KCNK2: variants seen among roughly 807,000 people sequenced by gnomAD.
The protein encoded by KCNK2 is potassium two pore domain channel subfamily K member 2, also known as potassium channel subfamily K member 2.
Under a neutral mutation model 40.5 loss-of-function variants are expected in KCNK2, and 21 were observed. The observed-to-expected ratio is 0.52, with a 90% CI of 0.37 to 0.75. KCNK2 has a LOEUF of 0.75. Among genes scored for constraint, KCNK2 ranks in the 30% least tolerant of loss-of-function variants. The pLI, the probability that KCNK2 is intolerant of heterozygous loss-of-function variation, is 0.00. For synonymous variants in KCNK2, 191 were observed against 202.2 expected (o/e 0.94, Z 0.47); for missense variants, 399 against 531.6 (o/e 0.75, Z 2.45).
upstream of KCNK2, among the ~76,000 whole-genome samples, chr1:215,078,209 G>T (rs1324142082): frequency 1.3e-5 from 2 of 152,222 alleles, no homozygotes; most frequent in Non-Finnish European, 2.9e-5. Context: ...GCTGCATGTA[G>T]CCTGCAGGCC....
At chr1:215,170,001 A>G (rs913969801) in intron 4 of KCNK2, among the ~76,000 whole-genome samples, 1 of 152,106 alleles carries the variant, frequency 6.6e-6, no homozygotes, top group African/African-American at 2.4e-5. Context: ...ACTAGTTATT[A>G]TCCCATCAAA....
At chr1:215,065,310 A>G (rs1397211981) in intron 1 of KCNK2, among the ~76,000 whole-genome samples, 2 of 152,180 alleles carry the variant, frequency 1.3e-5, no homozygotes, top group African/African-American at 4.8e-5. Flanking sequence ...TTAAATATGT[A>G]CACCTGTGAA....
At chr1:215,015,713 G>A (rs1656563465) in intron 1 of KCNK2, among the ~76,000 whole-genome samples, 1 of 152,060 alleles carries the variant, frequency 6.6e-6, no homozygotes, top group African/African-American at 2.4e-5. Context: ...TGTTAGAGCT[G>A]AAAAAGTTAC....
chr1:215,018,750 C>G (rs1251808442), intron 1 of KCNK2, among the ~76,000 whole-genome samples: 1 of 152,112 alleles, frequency 6.6e-6, no homozygotes, highest in Non-Finnish European at 1.5e-5. Flanking sequence ...TTTAGTCATG[C>G]TAAGGATTTG....
At chr1:215,057,202 T>TC (rs968590880) in intron 1 of KCNK2, among the ~76,000 whole-genome samples, 1 of 148,494 alleles carries the variant, frequency 6.7e-6, no homozygotes, top group African/African-American at 2.4e-5. Context: ...TACAAGTATT[T>TC]TTTTTTTTTT....
chr1:215,120,865 T>C (rs1661160872), intron 2 of KCNK2, among the ~76,000 whole-genome samples: 1 of 152,244 alleles, frequency 6.6e-6, no homozygotes, highest in African/African-American at 2.4e-5. Flanking sequence ...ATTGCTATCT[T>C]AAAATATTTT....
chr1:215,124,734 T>G lies in KCNK2; in HGVS notation c.459T>G (p.Thr153=). The G allele has an allele frequency of 3.8e-6, 6 of 1,597,862 alleles. No homozygotes were observed. Among genetic ancestry groups the G allele is most frequent in the Non-Finnish European group, 5.1e-6 (6 of 1,165,276 alleles). The stretch of plus-strand genomic sequence containing the variant: ...GAAGTTCCTTCTTCTTTGCTGGCAC[T>G]GTTATTACAACCATAGGTAGGAGAC... ...DLGSSFFFAG[T]VITTIGFGNI... is the part of the protein sequence containing the mutation. Residue 153 remains threonine, a synonymous_variant, in exon 3 of 7, where the codon ACT becomes ACG. Coordinates refer to ENST00000444842, the MANE Select transcript of KCNK2 (RefSeq NM_001017425.3).
chr1:215,055,366 T>G (rs1264920505), intron 1 of KCNK2, among the ~76,000 whole-genome samples: 1 of 152,180 alleles, frequency 6.6e-6, no homozygotes, highest in Non-Finnish European at 1.5e-5. Flanking sequence ...CAAAGTAAGC[T>G]ATGAAAAAGA....
At chr1:215,046,044 A>G (rs1204514496) in intron 1 of KCNK2, among the ~76,000 whole-genome samples, 1 of 152,218 alleles carries the variant, frequency 6.6e-6, no homozygotes, top group Non-Finnish European at 1.5e-5. Flanking sequence ...TAACCGTGGA[A>G]AAATCTGGTA....
At chr1:215,144,872 C>T (rs942190731) in intron 3 of KCNK2, among the ~76,000 whole-genome samples, 11 of 152,170 alleles carry the variant, frequency 7.2e-5, no homozygotes, top group African/African-American at 2.7e-4. Context: ...TATTATACCA[C>T]TTACTAATGA....
intron 2 of KCNK2, among the ~76,000 whole-genome samples, chr1:215,123,310 G>T (rs750396418): frequency 4.8e-4 from 73 of 151,922 alleles, no homozygotes; most frequent in Non-Finnish European, 9.6e-4. Context: ...ACTACCAGGG[G>T]TAGATATTGT....
chr1:215,159,282 A>G (rs1423035741), intron 3 of KCNK2, among the ~76,000 whole-genome samples: 1 of 152,226 alleles, frequency 6.6e-6, no homozygotes. Flanking sequence ...CAGATTCTTC[A>G]TCTTGACTCT....
rs1290481419 is a variant in KCNK2, at chr1:215,112,542, A to C, written c.358-12091A>C. ...TGAAGAAAGTTAGTTTTATTTTAAAAATAGATTCAGTGTACCCTAAGTGTA... is the reference window on the plus strand; with the variant it reads ...TGAAGAAAGTTAGTTTTATTTTAAACATAGATTCAGTGTACCCTAAGTGTA... On this transcript the variant is annotated intron_variant, in intron 2 of 6. Coordinates refer to ENST00000444842, the MANE Select transcript of KCNK2 (RefSeq NM_001017425.3). Among the ~76,000 whole-genome samples the C allele has an allele frequency of 2.0e-5, 3 of 152,138 alleles. No homozygotes were observed. The East Asian group carries it at 5.8e-4, about 29-fold the overall frequency.
intron 6 of KCNK2, among the ~76,000 whole-genome samples, chr1:215,214,112 T>C (rs72737240): frequency 0.21 from 32,429 of 152,084 alleles, 3,919 homozygotes; most frequent in South Asian, 0.49. Flanking sequence ...TGCAATGCTG[T>C]AAAGAAATAC....
At chr1:215,233,416 C>G (rs1375426112) in intron 6 of KCNK2, among the ~76,000 whole-genome samples, 1 of 151,244 alleles carries the variant, frequency 6.6e-6, no homozygotes, top group Non-Finnish European at 1.5e-5. Flanking sequence ...CTCCTATCCA[C>G]CTTGGATATT....
chr1:215,079,019 G>A (rs1411088807), upstream of KCNK2, among the ~76,000 whole-genome samples: 1 of 152,208 alleles, frequency 6.6e-6, no homozygotes, highest in Non-Finnish European at 1.5e-5. Flanking sequence ...GTGAAGTCCT[G>A]TAGATTTCAT....
intron 1 of KCNK2, among the ~76,000 whole-genome samples, chr1:215,029,440 A>G (rs994462821): frequency 6.7e-6 from 1 of 149,558 alleles, no homozygotes; most frequent in Non-Finnish European, 1.5e-5. Flanking sequence ...ATGTCTTTTC[A>G]TGGCTTGATG....
chr1:215,168,634 A>C (rs1466624104), intron 3 of KCNK2, among the ~76,000 whole-genome samples: 1 of 152,212 alleles, frequency 6.6e-6, no homozygotes, highest in Middle Eastern at 3.2e-3. Flanking sequence ...GTTCTCGCTC[A>C]TAAGTGGGAG....
intron 1 of KCNK2, among the ~76,000 whole-genome samples, chr1:215,034,040 C>T (rs993611742): frequency 6.6e-6 from 1 of 152,150 alleles, no homozygotes; most frequent in Non-Finnish European, 1.5e-5. Flanking sequence ...GTTTCTGCTC[C>T]AGTGAGTTGC....
Sources: allele counts gnomAD v4.1 joint callset (sites outside exome capture counted in the v4.1 genomes callset), GRCh38; gene constraint gnomAD v4.1.1; transcripts MANE v1.5; gene names NCBI Gene and HGNC (gene_info 2026-07-23, HGNC 2026-07-21).